The following ACOT7 variants were observed in gnomAD, a reference collection of about 807,000 sequenced individuals.
ACOT7 encodes acyl-CoA thioesterase 7, also known as cytosolic acyl coenzyme A thioester hydrolase.
In ACOT7, 12 loss-of-function variants were observed where a neutral mutation model predicts 40.2. The ratio of observed to expected loss-of-function variants is 0.30; its 90% CI spans 0.19 to 0.48. The LOEUF is 0.48. ACOT7 is among the 20% of genes least tolerant of loss of function. The pLI is 0.99. For synonymous variants in ACOT7, 228 were observed against 219.5 expected (o/e 1.04, Z -0.34); for missense variants, 395 against 530.8 (o/e 0.74, Z 2.51).
intron 1 of ACOT7, among the ~76,000 whole-genome samples, chr1:6,368,591 G>T (rs374227760): frequency 2.6e-5 from 4 of 152,276 alleles, no homozygotes; most frequent in South Asian, 4.1e-4. Context: ...GGCTCCCAGG[G>T]CAGTGGGCTC....
intron 1 of ACOT7, among the ~76,000 whole-genome samples, chr1:6,391,612 C>G (rs1033638311): frequency 6.6e-6 from 1 of 152,132 alleles, no homozygotes; most frequent in Non-Finnish European, 1.5e-5. Flanking sequence ...CAGCCTTCCA[C>G]GGGAAGATTT....
At position 6,393,301 on chromosome 1, in the gene ACOT7, C is replaced by A; in HGVS notation, c.99G>T (p.Met33Ile). Residue 33 changes from methionine to isoleucine, a missense_variant, in exon 1 of 9, where the codon ATG becomes ATT. By Grantham distance (10) the Met-to-Ile change is conservative. Around this residue, in one of 2 missense-constraint regions of ACOT7, gnomAD observed 86 missense variants for 60.5 expected, o/e 1.42. Coordinates refer to ENST00000361521, the MANE Select transcript of ACOT7 (RefSeq NM_007274.4). ...PAASAAAAPS[M>I]SGPDVETPSA... is the part of the protein sequence containing the mutation. ...ACGGCGTCTCGACGTCTGGGCCCGA[C>A]ATGCTGGGGGCTGCGGCGGCGGATG... The A allele has an allele frequency of 7.8e-7, 1 of 1,284,146 alleles. No individual in the cohort carries two copies. Among genetic ancestry groups the A allele is most frequent in the Non-Finnish European group, 9.9e-7 (1 of 1,015,114 alleles). The allele number at this position is 1,284,146 out of a possible 1,614,324, so 79.5% of individuals were successfully genotyped here.
intron 4 of ACOT7, among the ~76,000 whole-genome samples, chr1:6,328,244 G>A (rs1640858904): frequency 6.6e-6 from 1 of 152,120 alleles, no homozygotes; most frequent in South Asian, 2.1e-4. Flanking sequence ...CTGACCCTTG[G>A]CCAATCAAAC....
intron 1 of ACOT7, among the ~76,000 whole-genome samples, chr1:6,368,400 G>A (rs1025874700): frequency 3.3e-5 from 5 of 152,204 alleles, no homozygotes; most frequent in East Asian, 1.9e-4. Flanking sequence ...CCCACTTCCC[G>A]CCCCAGGGCC....
In ACOT7 at chr1:6,338,931, A is replaced by G. The variant is rs958408037; in HGVS notation, c.418+502T>C. ...TCCATGGTTACCATGGCCAAGGAGGAGAATATTCAGATGAAAGCAGAGGCA... is the reference window on the plus strand; with the variant it reads ...TCCATGGTTACCATGGCCAAGGAGGGGAATATTCAGATGAAAGCAGAGGCA... On this transcript the variant is annotated intron_variant, in intron 3 of 8. Transcript: ENST00000361521. The surrounding 1 kb of genome is among the most constrained non-coding windows in gnomAD (Gnocchi z 4.4). Among the ~76,000 whole-genome samples the G allele has an allele frequency of 6.6e-6, 1 of 152,110 alleles. No homozygotes were observed. Among genetic ancestry groups the G allele is most frequent in the African/African-American group, 2.4e-5 (1 of 41,426 alleles).
At chr1:6,381,605 C>T (rs889901624) in intron 1 of ACOT7, among the ~76,000 whole-genome samples, 5 of 151,694 alleles carry the variant, frequency 3.3e-5, no homozygotes, top group African/African-American at 1.2e-4. Context: ...ATGGCATAGC[C>T]GCTGTGGAAA....
intron 3 of ACOT7, 42 bp downstream of exon 3, chr1:6,339,391 G>T: frequency 1.2e-6 from 2 of 1,610,752 alleles, no homozygotes; most frequent in Admixed American, 1.7e-5. Context: ...GTGTAGCCAC[G>T]GCCCTTACTG....
intron 6 of ACOT7, among the ~76,000 whole-genome samples, chr1:6,300,601 C>G (rs1639942321): frequency 6.9e-6 from 1 of 144,722 alleles, no homozygotes; most frequent in Admixed American, 6.9e-5. Context: ...AACACGGAAT[C>G]TCACCGGACC....
chr1:6,324,841 C>A (rs980456575), intron 5 of ACOT7, among the ~76,000 whole-genome samples: 2 of 152,182 alleles, frequency 1.3e-5, no homozygotes, highest in African/African-American at 4.8e-5. Flanking sequence ...CTGCAAAGAC[C>A]CATTTTCCAT....
At chr1:6,307,142 C>T (rs1640178255) in intron 6 of ACOT7, among the ~76,000 whole-genome samples, 1 of 152,252 alleles carries the variant, frequency 6.6e-6, no homozygotes, top group African/African-American at 2.4e-5. Context: ...GCCAGCAGGG[C>T]TGTGTCTTCT....
intron 8 of ACOT7, among the ~76,000 whole-genome samples, chr1:6,268,035 G>A (rs1638902751): frequency 6.6e-6 from 1 of 152,226 alleles, no homozygotes; most frequent in Non-Finnish European, 1.5e-5. Flanking sequence ...GAGATGTCCA[G>A]GAGAGACATA....
intron 1 of ACOT7, among the ~76,000 whole-genome samples, chr1:6,363,729 CT>C (rs1225030526): frequency 1.3e-5 from 2 of 152,140 alleles, no homozygotes; most frequent in Non-Finnish European, 2.9e-5. Context: ...TACCCCTCCC[CT>C]TTTGCCTTGT....
At position 6,342,191 on chromosome 1, in the gene ACOT7, T is replaced by C. The variant is rs535703572; in HGVS notation, c.262-2602A>G. Among the ~76,000 whole-genome samples, 5 of 152,330 alleles carry C rather than the reference T, an allele frequency of 3.3e-5. No individual in the cohort carries two copies. In the South Asian group the frequency reaches 8.3e-4, roughly 25 times the overall value. ...TGCCTGGTAAGGGCCGGCTTCCTGGTTCACAGACAGTGCTTCTCGTGTGTC... is the reference window on the plus strand; with the variant it reads ...TGCCTGGTAAGGGCCGGCTTCCTGGCTCACAGACAGTGCTTCTCGTGTGTC... On this transcript the variant is annotated intron_variant, in intron 2 of 8. Coordinates refer to ENST00000361521, the MANE Select transcript of ACOT7 (RefSeq NM_007274.4).
rs997244789 is a variant in ACOT7, at chr1:6,294,026, G to A, written c.829+838C>T. Among the ~76,000 whole-genome samples the A allele has an allele frequency of 6.6e-6, 1 of 152,178 alleles. No individual in the cohort carries two copies. Among genetic ancestry groups the A allele is most frequent in the Non-Finnish European group, 1.5e-5 (1 of 68,026 alleles). On this transcript the variant is annotated intron_variant, in intron 7 of 8. Transcript: ENST00000361521. The surrounding 1 kb of genome is among the most constrained non-coding windows in gnomAD (Gnocchi z 4.6). ...CCAAGCTTGCACTTCTTCCACTCTC[G>A]CTTCCCACGACAAGGGGCTGGTCTC...
chr1:6,264,771 G>A (rs1638767578), intron 8 of ACOT7, 76 bp from the exon 9 acceptor site: 1 of 1,487,082 alleles, frequency 6.7e-7, no homozygotes, highest in Admixed American at 1.9e-5. Flanking sequence ...CCTGGCCTGG[G>A]GCCCTGCCCC....
At position 6,306,747 on chromosome 1, in the gene ACOT7, C is replaced by T; in HGVS notation, c.712+11745G>A. On this transcript the variant is annotated intron_variant, in intron 6 of 8. Transcript: ENST00000361521. The surrounding 1 kb of genome is among the most constrained non-coding windows in gnomAD (Gnocchi z 4.3). ...GGAACAGCTCTTCGTCCACCTTTTTCCTTCCTTGCCCCAACACTGAGGGTC... is the reference window on the plus strand; with the variant it reads ...GGAACAGCTCTTCGTCCACCTTTTTTCTTCCTTGCCCCAACACTGAGGGTC... 3 of 1,252,196 alleles carry T rather than the reference C, an allele frequency of 2.4e-6. No homozygotes were observed. The highest frequency in any genetic ancestry group is 5.1e-5 in the Admixed American group (2 of 39,082). 77.6% of individuals were successfully genotyped at this position (1,252,196 alleles called of 1,614,324 possible).
At chr1:6,362,206 G>A (rs1317953766) in intron 1 of ACOT7, among the ~76,000 whole-genome samples, 3 of 151,896 alleles carry the variant, frequency 2.0e-5, no homozygotes, top group Non-Finnish European at 2.9e-5. Context: ...CAAGGCGGGC[G>A]GATCACCTGA....
chr1:6,291,810 C>T lies in ACOT7; in HGVS notation c.829+3054G>A, dbSNP rs921222302. ...CGCTGGAACTGTGAGGCCAGCCCCC[C>T]GCGGTTTCTCACACACCCACCCAGT... On this transcript the variant is annotated intron_variant, in intron 7 of 8. Transcript: ENST00000361521. Among the ~76,000 whole-genome samples, 3 of 152,182 alleles carry T rather than the reference C, an allele frequency of 2.0e-5. No homozygotes were observed. The East Asian group carries it at 5.8e-4, about 29-fold the overall frequency.
At chr1:6,363,658 C>T (rs910711113) in intron 1 of ACOT7, among the ~76,000 whole-genome samples, 2 of 152,184 alleles carry the variant, frequency 1.3e-5, no homozygotes, top group African/African-American at 4.8e-5. Flanking sequence ...GAAGGGCCCC[C>T]TGTCCAGTGC....
Sources: gnomAD v4.1 joint callset for allele counts (sites outside exome capture counted in the v4.1 genomes callset) on GRCh38, gnomAD v4.1.1 for gene constraint, gnomAD v4.1.1 regional missense constraint, Gnocchi (gnomAD v3.1) non-coding constraint, MANE v1.5 for transcripts, NCBI Gene and HGNC (gene_info 2026-07-23, HGNC 2026-07-21) for gene names.